The following MYO16 variants were observed in gnomAD, a reference collection of about 807,000 sequenced individuals.
The protein encoded by MYO16 is myosin XVI.
In MYO16, 94 loss-of-function variants were observed where a neutral mutation model predicts 205.3. The observed-to-expected ratio is 0.46, with a 90% CI of 0.39 to 0.54. The LOEUF is 0.54. Among genes scored for constraint, MYO16 ranks in the 20% least tolerant of loss-of-function variants. The pLI is 0.00. For synonymous variants in MYO16, 988 were observed against 954.0 expected, an observed-to-expected ratio of 1.04 and a Z score of -0.66; for missense variants, 2,315 against 2,387.5, an observed-to-expected ratio of 0.97 and a Z score of 0.63.
intron 16 of MYO16, among the ~76,000 whole-genome samples, chr13:108,928,567 A>G (rs1882112615): frequency 6.6e-6 from 1 of 152,234 alleles, no homozygotes; most frequent in Non-Finnish European, 1.5e-5. Flanking sequence ...TGATACACAT[A>G]AAGAAGTAAA....
At chr13:108,941,741 G>A (rs1882736235) in intron 16 of MYO16, among the ~76,000 whole-genome samples, 1 of 151,366 alleles carries the variant, frequency 6.6e-6, no homozygotes, top group South Asian at 2.1e-4. Flanking sequence ...CCAGAAAATG[G>A]CTATGGATGT....
intron 9 of MYO16, among the ~76,000 whole-genome samples, chr13:108,827,837 A>C (rs924192837): frequency 6.6e-6 from 1 of 152,110 alleles, no homozygotes; most frequent in Non-Finnish European, 1.5e-5. Context: ...TTAGCGTCTG[A>C]GCATGGACGT....
At chr13:108,807,489 C>G (rs1052540199) in intron 7 of MYO16, among the ~76,000 whole-genome samples, 1 of 152,152 alleles carries the variant, frequency 6.6e-6, no homozygotes, top group Non-Finnish European at 1.5e-5. Context: ...ATTTAAGGAT[C>G]TGCTAAATAT....
At chr13:108,845,764 T>A (rs1877485444) in intron 10 of MYO16, among the ~76,000 whole-genome samples, 2 of 152,190 alleles carry the variant, frequency 1.3e-5, no homozygotes, top group Non-Finnish European at 2.9e-5. Context: ...TCACTCAGGC[T>A]GTAGTGCAGT....
chr13:109,013,876 A>T (rs1885707438), intron 22 of MYO16, among the ~76,000 whole-genome samples: 1 of 152,236 alleles, frequency 6.6e-6, no homozygotes, highest in Non-Finnish European at 1.5e-5. Context: ...GCCCTTTGTC[A>T]GATGGGTAGA....
chr13:109,066,885 C>T (rs919044138), intron 27 of MYO16, among the ~76,000 whole-genome samples: 5 of 152,140 alleles, frequency 3.3e-5, no homozygotes, highest in African/African-American at 1.2e-4. Flanking sequence ...TTTAGAAAAA[C>T]GGACGATTTG....
At chr13:109,181,478 TA>T (rs1455964967) in intron 34 of MYO16, among the ~76,000 whole-genome samples, 2 of 152,366 alleles carry the variant, frequency 1.3e-5, no homozygotes, top group East Asian at 3.9e-4. Flanking sequence ...AGAAATTCTA[TA>T]AAATCCAGTC....
intron 23 of MYO16, among the ~76,000 whole-genome samples, chr13:109,041,592 C>T (rs1042577407): frequency 1.3e-5 from 2 of 152,052 alleles, no homozygotes; most frequent in African/African-American, 4.8e-5. Context: ...TGGCAACATG[C>T]GGGATCCGTG....
chr13:108,609,132 G>T (rs1205441325), intron 1 of MYO16, among the ~76,000 whole-genome samples: 1 of 152,148 alleles, frequency 6.6e-6, no homozygotes. Context: ...AAGCCTGTCT[G>T]CAGGCCAGCC....
intron 31 of MYO16, among the ~76,000 whole-genome samples, chr13:109,135,026 TG>T (rs1239297303): frequency 6.6e-6 from 1 of 152,152 alleles, no homozygotes; most frequent in African/African-American, 2.4e-5. Context: ...CAGATCCACA[TG>T]TGCCGGTGCC....
the MYO16 span, among the ~76,000 whole-genome samples, chr13:108,561,366 G>T: frequency 1.3e-5 from 2 of 152,166 alleles, no homozygotes; most frequent in Non-Finnish European, 2.9e-5. Context: ...ACTTCCAAGG[G>T]CAACGTTTGC....
chr13:109,069,939 A>G (rs1205324199), intron 27 of MYO16, among the ~76,000 whole-genome samples: 1 of 152,106 alleles, frequency 6.6e-6, no homozygotes. Flanking sequence ...TTACATTGAG[A>G]GTCCAGTGAA....
the MYO16 span, among the ~76,000 whole-genome samples, chr13:108,522,045 A>G: frequency 6.6e-6 from 1 of 152,222 alleles, no homozygotes; most frequent in African/African-American, 2.4e-5. Flanking sequence ...AATAGTTATT[A>G]ATTATCTTCC....
chr13:108,583,622 T>C, the MYO16 span, among the ~76,000 whole-genome samples: 1 of 152,300 alleles, frequency 6.6e-6, no homozygotes. Context: ...ATATGGGTAA[T>C]TCTGGAAGGG....
intron 12 of MYO16, among the ~76,000 whole-genome samples, chr13:108,879,924 G>A (rs1256939736): frequency 6.6e-6 from 1 of 152,158 alleles, no homozygotes; most frequent in African/African-American, 2.4e-5. Context: ...CTAGATCCTT[G>A]TGGAATGGCC....
chr13:109,017,635 A>T (rs1414568436), intron 22 of MYO16, among the ~76,000 whole-genome samples: 2 of 152,162 alleles, frequency 1.3e-5, no homozygotes, highest in African/African-American at 4.8e-5. Flanking sequence ...ACATAGTCCC[A>T]TATTTTTTGG....
At chr13:108,838,235 T>C (rs1877030968) in intron 9 of MYO16, among the ~76,000 whole-genome samples, 1 of 152,094 alleles carries the variant, frequency 6.6e-6, no homozygotes, top group African/African-American at 2.4e-5. Context: ...GAACACTTTA[T>C]AATGTTGTTG....
chr13:109,104,881 G>A (rs900235540), intron 28 of MYO16, among the ~76,000 whole-genome samples: 1 of 151,712 alleles, frequency 6.6e-6, no homozygotes, highest in Non-Finnish European at 1.5e-5. Context: ...CTCGACCTTC[G>A]TACTGCATCT....
At chr13:109,186,887 C>A (rs1362339991) in intron 34 of MYO16, among the ~76,000 whole-genome samples, 8 of 152,190 alleles carry the variant, frequency 5.3e-5, no homozygotes, top group Non-Finnish European at 1.0e-4. Flanking sequence ...CAAGATTCCC[C>A]TAGAAATGGA....
Sources: allele counts gnomAD v4.1 joint callset (sites outside exome capture counted in the v4.1 genomes callset), GRCh38; gene constraint gnomAD v4.1.1; transcripts MANE v1.5; gene names NCBI Gene and HGNC (gene_info 2026-07-23, HGNC 2026-07-21).